LRGUK: variants seen among roughly 807,000 people sequenced by gnomAD.
LRGUK encodes the protein leucine-rich repeat and guanylate kinase domain-containing protein.
A neutral mutation model predicts 76.0 loss-of-function variants in LRGUK; 65 were observed. The ratio of observed to expected loss-of-function variants is 0.85; its 90% CI spans 0.70 to 1.05. The LOEUF (loss-of-function observed/expected upper bound fraction) is 1.05. Ranked by LOEUF, LRGUK falls within the 50% of genes least tolerant of loss-of-function variation. LRGUK has a pLI of 0.00. For synonymous variants in LRGUK, 268 were observed against 265.6 expected, an observed-to-expected ratio of 1.01 and a Z score of -0.09; for missense variants, 758 against 732.8, an observed-to-expected ratio of 1.03 and a Z score of -0.40.
At chr7:134,150,050 C>T (rs1798140752) in intron 5 of LRGUK, among the ~76,000 whole-genome samples, 1 of 152,062 alleles carries the variant, frequency 6.6e-6, no homozygotes, top group South Asian at 2.1e-4. Flanking sequence ...CCAAGGCGGG[C>T]AGATCACGAG....
At chr7:134,178,890 A>G (rs955109358) in intron 10 of LRGUK, among the ~76,000 whole-genome samples, 3 of 128,226 alleles carry the variant, frequency 2.3e-5, no homozygotes, top group African/African-American at 8.6e-5. Flanking sequence ...GGCCACTTGT[A>G]TGGTGGCCAG....
In LRGUK at chr7:134,177,067, T is replaced by A. The variant is rs1284010588; in HGVS notation, c.1107+4T>A. The A allele has an allele frequency of 1.3e-6, 2 of 1,565,462 alleles. No individual in the cohort carries two copies. The highest frequency in any genetic ancestry group is 1.8e-6 in the Non-Finnish European group (2 of 1,140,008). On this transcript the variant is annotated splice_donor_region_variant and intron_variant, in intron 9 of 15. Transcript: ENST00000645682. ...GAAGATTAAAGTGGAAGAAAAGGTA[T>A]GTAATCATGTCATAACATTACCATT...
chr7:134,244,869 G>A (rs1255676090), intron 16 of LRGUK, among the ~76,000 whole-genome samples: 1 of 152,130 alleles, frequency 6.6e-6, no homozygotes, highest in Non-Finnish European at 1.5e-5. Flanking sequence ...ATACTACGCA[G>A]CCATAAAAAA....
At chr7:134,173,346 A>G (rs989387975) in intron 7 of LRGUK, among the ~76,000 whole-genome samples, 5 of 152,142 alleles carry the variant, frequency 3.3e-5, no homozygotes, top group Admixed American at 2.0e-4. Context: ...TTAGCTGTGT[A>G]TTGTGGTTGG....
intron 5 of LRGUK, among the ~76,000 whole-genome samples, chr7:134,151,255 T>C (rs1798212513): frequency 6.6e-6 from 1 of 152,076 alleles, no homozygotes; most frequent in African/African-American, 2.4e-5. Context: ...AACAGTTTGA[T>C]TAAAAAGAGA....
chr7:134,228,270 A>G (rs1801811021), intron 16 of LRGUK, among the ~76,000 whole-genome samples: 1 of 152,186 alleles, frequency 6.6e-6, no homozygotes, highest in South Asian at 2.1e-4. Flanking sequence ...CCAAAAATGA[A>G]GGTGAATTAA....
intron 18 of LRGUK, among the ~76,000 whole-genome samples, chr7:134,256,232 C>T (rs796306515): frequency 2.6e-5 from 4 of 152,038 alleles, no homozygotes; most frequent in African/African-American, 9.6e-5. Flanking sequence ...CCCAGGTGGG[C>T]GAATCACCTG....
Position 134,252,371 on chromosome 7 carries a change from A to AT in LRGUK, c.2198+3297dup, listed in dbSNP as rs1189588524. Among the ~76,000 whole-genome samples, 404 of 148,750 alleles carry AT rather than the reference A, an allele frequency of 2.7e-3. 4 individuals are homozygous for AT. The highest frequency in any genetic ancestry group is 9.9e-3 in the African/African-American group (382 of 38,706). ...ATTAAATTAAATTAAATTAAATTAA[A>AT]TTAAATTAAAGGGACCTAACATTCT... On this transcript the variant is annotated intron_variant, in intron 18 of 19. Transcript: ENST00000285928.
At chr7:134,263,247 G>A in intron 19 of LRGUK, among the ~76,000 whole-genome samples, 1 of 151,206 alleles carries the variant, frequency 6.6e-6, no homozygotes, top group East Asian at 1.9e-4. Flanking sequence ...CTTCTGCTAT[G>A]GCCACCATGC....
In LRGUK at chr7:134,149,108, T is replaced by TAA. The variant is rs5887660; in HGVS notation, c.670+803_670+804dup. On this transcript the variant is annotated intron_variant, in intron 5 of 15. Transcript: ENST00000645682. ...GTATTTTAAATATGCTTTCTTTTTT[T>TAA]AAAAAAAAAAAAAAACAACTTTTGA... Among the ~76,000 whole-genome samples the TAA allele has an allele frequency of 7.8e-4, 116 of 148,918 alleles. No individual in the cohort carries two copies. The Middle Eastern group carries it at 0.01, about 13-fold the overall frequency.
the LRGUK span, among the ~76,000 whole-genome samples, chr7:134,274,655 C>T: frequency 6.6e-6 from 1 of 152,176 alleles, no homozygotes; most frequent in Non-Finnish European, 1.5e-5. Context: ...TTATGTTAAT[C>T]AGCTCATAAA....
chr7:134,131,337 G>A (rs1585406965), intron 1 of LRGUK, among the ~76,000 whole-genome samples: 1 of 152,208 alleles, frequency 6.6e-6, no homozygotes, highest in Non-Finnish European at 1.5e-5. Context: ...GAACATGATT[G>A]AAGACATACA....
exon 10 of LRGUK, chr7:134,178,565 C>A: frequency 8.1e-6 from 13 of 1,613,232 alleles, no homozygotes; most frequent in African/African-American, 1.3e-5. Flanking sequence ...ACCACCTGAC[C>A]CATGTTGTCA....
chr7:134,167,073 CG>C (rs1799022729), intron 7 of LRGUK, among the ~76,000 whole-genome samples: 1 of 152,192 alleles, frequency 6.6e-6, no homozygotes, highest in Non-Finnish European at 1.5e-5. Flanking sequence ...TTGATGCTCG[CG>C]TGATCAGATC....
chr7:134,158,114 G>A (rs374552790), exon 6 of LRGUK: 19 of 1,612,806 alleles, frequency 1.2e-5, no homozygotes, highest in Middle Eastern at 1.6e-4. Context: ...ATAAGATCAC[G>A]ACAATTAATG....
intron 5 of LRGUK, among the ~76,000 whole-genome samples, chr7:134,156,275 A>G (rs55763925): frequency 0.13 from 19,631 of 151,948 alleles, 1,585 homozygotes; most frequent in East Asian, 0.32. Flanking sequence ...GTTTTTTATT[A>G]GGTTGTTTTT....
chr7:134,215,653 C>T (rs564764623), intron 15 of LRGUK, among the ~76,000 whole-genome samples: 1 of 152,064 alleles, frequency 6.6e-6, no homozygotes, highest in East Asian at 1.9e-4. Context: ...ACTTCCTTGC[C>T]TTTTGCTCCA....
intron 15 of LRGUK, among the ~76,000 whole-genome samples, chr7:134,220,447 C>T (rs1028609067): frequency 6.6e-6 from 1 of 152,272 alleles, no homozygotes; most frequent in Middle Eastern, 3.4e-3. Context: ...AGTCTGATTT[C>T]CTACAGGTGT....
At chr7:134,255,096 A>T (rs1393259535) in intron 18 of LRGUK, among the ~76,000 whole-genome samples, 3 of 152,198 alleles carry the variant, frequency 2.0e-5, no homozygotes, top group African/African-American at 7.2e-5. Context: ...AAGTCAATCC[A>T]AAACAATTGA....
Sources: allele counts gnomAD v4.1 joint callset (sites outside exome capture counted in the v4.1 genomes callset), GRCh38; gene constraint gnomAD v4.1.1; transcripts MANE v1.5; gene names NCBI Gene and HGNC (gene_info 2026-07-23, HGNC 2026-07-21).